The following TEX11 variants were observed in gnomAD, a reference collection of about 807,000 sequenced individuals.
The protein encoded by TEX11 is testis expressed 11.
Under a neutral mutation model 84.4 loss-of-function variants are expected in TEX11, and 7 were observed. That is an observed-to-expected ratio of 0.08 (90% CI 0.05 to 0.16). The LOEUF (loss-of-function observed/expected upper bound fraction) is 0.16. Ranked by LOEUF, TEX11 falls within the 10% of genes least tolerant of loss-of-function variation. The probability of loss-of-function intolerance (pLI) is 1.00; values close to 1 mark genes in which losing one functional copy is unlikely to be tolerated. For synonymous variants in TEX11, 264 were observed against 222.8 expected, an observed-to-expected ratio of 1.18 and a Z score of -1.64; for missense variants, 551 against 660.5, an observed-to-expected ratio of 0.83 and a Z score of 1.82.
intron 3 of TEX11, among the ~76,000 whole-genome samples, chrX:70,874,861 G>A (rs2091647617): frequency 9.0e-6 from 1 of 111,163 alleles, no homozygotes; most frequent in Non-Finnish European, 1.9e-5. Flanking sequence ...TTGGCATTTT[G>A]GAAAGCAATT....
chrX:70,553,463 C>T, intron 26 of TEX11, 49 bp from the exon 27 acceptor site: 2 of 892,555 alleles, frequency 2.2e-6, no homozygotes, highest in Non-Finnish European at 3.1e-6. Context: ...TGTCACCCAT[C>T]ACAGTTTTCA....
intron 11 of TEX11, among the ~76,000 whole-genome samples, chrX:70,728,288 T>C (rs60535020): frequency 0.076 from 8,537 of 111,901 alleles, 283 homozygotes; most frequent in African/African-American, 0.13. Flanking sequence ...ACTGGGTGCA[T>C]CTCACTGGGG....
chrX:70,805,814 C>G (rs962464034), intron 9 of TEX11, among the ~76,000 whole-genome samples: 30 of 112,169 alleles, frequency 2.7e-4, no homozygotes, highest in Admixed American at 3.8e-4. Context: ...TACTGTGTGT[C>G]AGAATCTGTG....
intron 9 of TEX11, among the ~76,000 whole-genome samples, chrX:70,773,039 C>A (rs2090980932): frequency 9.1e-6 from 1 of 110,123 alleles, no homozygotes. Flanking sequence ...ACAAAAAAAA[C>A]ACTATAGGAA....
At chrX:70,712,109 G>T (rs1464150047) in intron 13 of TEX11, among the ~76,000 whole-genome samples, 3 of 111,211 alleles carry the variant, frequency 2.7e-5, no homozygotes, top group Non-Finnish European at 5.7e-5. Context: ...TAGATATGTG[G>T]CATTATTTCT....
At chrX:70,883,061 A>G (rs927267597) in intron 2 of TEX11, among the ~76,000 whole-genome samples, 5 of 112,507 alleles carry the variant, frequency 4.4e-5, no homozygotes, top group Non-Finnish European at 9.4e-5. Flanking sequence ...AGTGATAGAG[A>G]TCACATAGCT....
At chrX:70,901,171 T>C (rs1309596879) in intron 2 of TEX11, among the ~76,000 whole-genome samples, 1 of 110,926 alleles carries the variant, frequency 9.0e-6, no homozygotes, top group Admixed American at 9.7e-5. Flanking sequence ...AGCCTGGCAA[T>C]AGAGTGAGAC....
chrX:70,901,419 G>A (rs1323229188), intron 2 of TEX11, among the ~76,000 whole-genome samples: 1 of 111,848 alleles, frequency 8.9e-6, no homozygotes, highest in African/African-American at 3.2e-5. Context: ...TTTTGTCATT[G>A]TCCCAACATC....
In TEX11 at chrX:70,840,343, G is replaced by T. The variant is rs200641471; in HGVS notation, c.526-6750C>A. ...CAATATTCAACATTCTTAAAGGGAA[G>T]AATTTTCAACCCACAATCTCATATC... On this transcript the variant is annotated intron_variant, in intron 7 of 29. Transcript: ENST00000374333. Among the ~76,000 whole-genome samples the T allele has an allele frequency of 1.3e-4, 14 of 111,650 alleles. No homozygotes were observed. In the East Asian group the frequency reaches 3.4e-3, roughly 27 times the overall value.
downstream of TEX11, chrX:70,528,838 GATGGGGC>G (rs1470684051): frequency 2.9e-6 from 1 of 346,953 alleles, no homozygotes; most frequent in Non-Finnish European, 5.0e-6. Context: ...CTTTTGTTCA[GATGGGGC>G]ATAAACCATC....
chrX:70,897,212 A>G (rs1166445148), intron 2 of TEX11, among the ~76,000 whole-genome samples: 5 of 52,701 alleles, frequency 9.5e-5, no homozygotes, highest in African/African-American at 2.4e-4. Flanking sequence ...TTATATATAT[A>G]TAACATATAT....
In TEX11 at chrX:70,561,588, A is replaced by G. The variant is rs770962606; in HGVS notation, c.2141-6788T>C. Among the ~76,000 whole-genome samples the G allele has an allele frequency of 8.3e-5, 9 of 108,809 alleles. No individual in the cohort carries two copies. In the Admixed American group the frequency reaches 9.0e-4, roughly 11 times the overall value. The allele number at this position is 108,809 out of a possible 115,157, so 94.5% of individuals were successfully genotyped here. On this transcript the variant is annotated intron_variant, in intron 25 of 29. Transcript: ENST00000374333. Reference sequence around the variant, plus strand: ...TTTTTAGTAGAGACGGGGTTTCACCATATTGGCCAGGCTGGTCTCGAACTC... The same window carrying G: ...TTTTTAGTAGAGACGGGGTTTCACCGTATTGGCCAGGCTGGTCTCGAACTC...
intron 9 of TEX11, among the ~76,000 whole-genome samples, chrX:70,775,449 C>T (rs1305761368): frequency 9.1e-6 from 1 of 110,479 alleles, no homozygotes; most frequent in East Asian, 2.8e-4. Context: ...CTACAAGGGA[C>T]TAATATCTGG....
chrX:70,512,912 C>T, the TEX11 span, among the ~76,000 whole-genome samples: 1 of 109,195 alleles, frequency 9.2e-6, no homozygotes. Flanking sequence ...TAGCAGTTGT[C>T]CCTCTTGTAG....
chrX:70,641,694 G>C (rs376302339), intron 17 of TEX11, among the ~76,000 whole-genome samples: 1 of 110,640 alleles, frequency 9.0e-6, no homozygotes, highest in East Asian at 2.8e-4. Context: ...AATGAAGACA[G>C]AAATAAAGAT....
intron 1 of TEX11, among the ~76,000 whole-genome samples, chrX:70,908,074 C>T (rs1045258568): frequency 2.7e-5 from 3 of 111,311 alleles, no homozygotes; most frequent in African/African-American, 9.8e-5. Flanking sequence ...GGCTGGGTCT[C>T]GCTGCTTCTT....
chrX:70,705,036 C>T (rs1489804882), intron 13 of TEX11, among the ~76,000 whole-genome samples: 2 of 111,581 alleles, frequency 1.8e-5, no homozygotes, highest in African/African-American at 3.3e-5. Context: ...TTCCCAGCAC[C>T]ATTTATTAAA....
chrX:70,759,137 A>G (rs1351978219), intron 9 of TEX11, among the ~76,000 whole-genome samples: 2 of 111,705 alleles, frequency 1.8e-5, no homozygotes, highest in East Asian at 5.6e-4. Flanking sequence ...TAGCCTACCA[A>G]CCAAAAAAAG....
At chrX:70,883,655 G>A (rs1274166794) in intron 2 of TEX11, among the ~76,000 whole-genome samples, 2 of 111,497 alleles carry the variant, frequency 1.8e-5, no homozygotes, top group African/African-American at 3.2e-5. Context: ...AAGATTGTAC[G>A]TTTTGAAAAA....
Sources: allele counts gnomAD v4.1 joint callset (sites outside exome capture counted in the v4.1 genomes callset), GRCh38; gene constraint gnomAD v4.1.1; transcripts MANE v1.5; gene names NCBI Gene and HGNC (gene_info 2026-07-23, HGNC 2026-07-21).